Variants in SLC25A48 observed in about 807,000 individuals in gnomAD.
The protein encoded by SLC25A48 is CTC-321K16.1.
In SLC25A48, 29 loss-of-function variants were observed where a neutral mutation model predicts 32.2. That is an observed-to-expected ratio of 0.90 (90% CI 0.67 to 1.23). The LOEUF is 1.23. Among genes scored for constraint, SLC25A48 ranks in the 50% most tolerant of loss-of-function variants. The pLI is 0.00. For missense variants in SLC25A48, 399 were observed against 422.7 expected (o/e 0.94, Z 0.49); for synonymous variants, 164 against 172.3 (o/e 0.95, Z 0.38).
intron 4 of SLC25A48, among the ~76,000 whole-genome samples, chr5:135,815,237 C>T (rs1035141759): frequency 6.6e-6 from 1 of 152,140 alleles, no homozygotes; most frequent in East Asian, 1.9e-4. Context: ...TGGGATGAAA[C>T]AGTTCCACTT....
intron 3 of SLC25A48, among the ~76,000 whole-genome samples, chr5:135,786,935 A>T: frequency 6.6e-6 from 1 of 152,148 alleles, no homozygotes; most frequent in Admixed American, 6.5e-5. Flanking sequence ...ATTATTTGTA[A>T]AATCCTAGGT....
At chr5:135,630,506 A>G (rs1243477940) in intron 2 of SLC25A48, among the ~76,000 whole-genome samples, 1 of 151,828 alleles carries the variant, frequency 6.6e-6, no homozygotes, top group Non-Finnish European at 1.5e-5. Flanking sequence ...GGAAATTTAG[A>G]AACTAAACAT....
chr5:135,628,420 C>T (rs1428288206), intron 1 of SLC25A48, among the ~76,000 whole-genome samples: 1 of 152,116 alleles, frequency 6.6e-6, no homozygotes, highest in African/African-American at 2.4e-5. Context: ...ATGGACTCTA[C>T]TTGGGATTTA....
intron 3 of SLC25A48, among the ~76,000 whole-genome samples, chr5:135,725,356 G>T (rs189285396): frequency 1.9e-4 from 29 of 152,322 alleles, no homozygotes; most frequent in African/African-American, 6.5e-4. Context: ...GTGGGGGCTG[G>T]TGGAGTGGTC....
intron 3 of SLC25A48, among the ~76,000 whole-genome samples, chr5:135,851,613 C>T (rs939780593): frequency 8.7e-5 from 13 of 148,572 alleles, no homozygotes; most frequent in Middle Eastern, 3.4e-3. Context: ...CGTGTGTGTG[C>T]GTGTGCAGGT....
At chr5:135,801,259 A>G (rs959735271) in intron 3 of SLC25A48, among the ~76,000 whole-genome samples, 2 of 150,862 alleles carry the variant, frequency 1.3e-5, no homozygotes, top group African/African-American at 4.9e-5. Flanking sequence ...ATTGTTTGTA[A>G]TATCCGGAAG....
At chr5:135,774,198 G>A (rs1227807949) in intron 3 of SLC25A48, among the ~76,000 whole-genome samples, 1 of 151,628 alleles carries the variant, frequency 6.6e-6, no homozygotes, top group Non-Finnish European at 1.5e-5. Flanking sequence ...AATATCGCAG[G>A]GGCTGTACAC....
intron 6 of SLC25A48, 90 bp from the exon 7 acceptor site, chr5:135,879,878 G>A: frequency 6.7e-7 from 1 of 1,485,530 alleles, no homozygotes; most frequent in South Asian, 1.3e-5. Flanking sequence ...GCCTGGGTAG[G>A]CAGCACCACT....
intron 3 of SLC25A48, among the ~76,000 whole-genome samples, chr5:135,805,539 C>A (rs1757442633): frequency 6.6e-6 from 1 of 151,380 alleles, no homozygotes; most frequent in South Asian, 2.1e-4. Flanking sequence ...ATGCGTTCAC[C>A]CTGTGATATT....
At chr5:135,875,000 CCTT>C in intron 6 of SLC25A48, 1 of 381,440 alleles carries the variant, frequency 2.6e-6, no homozygotes, top group Non-Finnish European at 4.6e-6. Context: ...AATGATCATC[CCTT>C]CCATGAAGGG....
chr5:135,744,485 C>T (rs79435796), intron 3 of SLC25A48, among the ~76,000 whole-genome samples: 6,530 of 86,980 alleles, frequency 0.075, 288 homozygotes, highest in African/African-American at 0.16. Context: ...AGAGTAGGCA[C>T]GCATCACCAT....
At chr5:135,736,646 G>T (rs1313581446) in intron 3 of SLC25A48, among the ~76,000 whole-genome samples, 1 of 152,106 alleles carries the variant, frequency 6.6e-6, no homozygotes, top group African/African-American at 2.4e-5. Context: ...GCTGCTATGG[G>T]TGAAGGACCA....
intron 4 of SLC25A48, among the ~76,000 whole-genome samples, chr5:135,859,994 T>C (rs906618526): frequency 1.3e-5 from 2 of 152,200 alleles, no homozygotes; most frequent in African/African-American, 2.4e-5. Flanking sequence ...CTCCATACCT[T>C]AGCAGAATTC....
At chr5:135,742,336 C>T in intron 3 of SLC25A48, 1 of 714,658 alleles carries the variant, frequency 1.4e-6, no homozygotes, top group Non-Finnish European at 2.0e-6. Flanking sequence ...CCGCCTTGGC[C>T]TCCCACAGTG....
At position 135,582,077 on chromosome 5, in the gene SLC25A48, A is replaced by G. The variant is rs1200812623; in HGVS notation, c.-849+2480A>G. 2.0e-5 allele frequency among the ~76,000 whole-genome samples: 3 copies of G among 152,328 alleles called. No individual in the cohort carries two copies. In the East Asian group the frequency reaches 5.8e-4, roughly 29 times the overall value. On this transcript the variant is annotated intron_variant, in intron 1 of 10. Coordinates refer to the SLC25A48 transcript ENST00000646290. Reference sequence around the variant, plus strand: ...TGTATGCATGTGTGCAGATGTCAACACATTCATGGTCATACTGGATTCTAC... The same window carrying G: ...TGTATGCATGTGTGCAGATGTCAACGCATTCATGGTCATACTGGATTCTAC...
Position 135,851,325 on chromosome 5 carries a change from G to A in SLC25A48, c.162+829G>A, listed in dbSNP as rs143185038. Among the ~76,000 whole-genome samples the A allele has an allele frequency of 7.6e-3, 1,159 of 152,284 alleles. 6 individuals are homozygous for A. The highest frequency in any genetic ancestry group is 0.012 in the Non-Finnish European group (835 of 68,024). ...CGGCTGCTTTAAAATTGGGGCGAGC[G>A]CTGCAAGCCCAGCACTTGGTGTTCC... On this transcript the variant is annotated intron_variant, in intron 3 of 7. Coordinates refer to ENST00000681962, the MANE Select transcript of SLC25A48 (RefSeq NM_001349336.2).
At chr5:135,842,018 G>A (rs1759043664) in intron 1 of SLC25A48, among the ~76,000 whole-genome samples, 1 of 152,144 alleles carries the variant, frequency 6.6e-6, no homozygotes. Context: ...TCATATCTGA[G>A]AGTCCATTGC....
At chr5:135,858,171 T>C (rs1202871114) in intron 4 of SLC25A48, among the ~76,000 whole-genome samples, 3 of 152,184 alleles carry the variant, frequency 2.0e-5, no homozygotes, top group African/African-American at 7.2e-5. Context: ...AATGAACATG[T>C]GTTTGTTCTG....
chr5:135,671,181 G>A (rs984856542), intron 3 of SLC25A48, among the ~76,000 whole-genome samples: 10 of 152,172 alleles, frequency 6.6e-5, no homozygotes, highest in African/African-American at 2.2e-4. Context: ...AGGAGCTAGA[G>A]GAAGGAAAAG....
Sources: gnomAD v4.1 joint callset for allele counts (sites outside exome capture counted in the v4.1 genomes callset) on GRCh38, gnomAD v4.1.1 for gene constraint, MANE v1.5 for transcripts, NCBI Gene and HGNC (gene_info 2026-07-23, HGNC 2026-07-21) for gene names.